Variants in PDE1C observed in about 807,000 individuals in gnomAD.
The protein encoded by PDE1C is phosphodiesterase 1C.
PDE1C carries 62 observed loss-of-function variants against 93.1 expected under a neutral mutation model. The observed-to-expected ratio is 0.67, with a 90% CI of 0.54 to 0.82. The LOEUF is 0.82. PDE1C is among the 40% of genes least tolerant of loss of function. The pLI, the probability that PDE1C is intolerant of heterozygous loss-of-function variation, is 0.00. For missense variants in PDE1C, 742 were observed against 884.6 expected (o/e 0.84, Z 2.04); for synonymous variants, 325 against 310.1 (o/e 1.05, Z -0.50).
At chr7:32,066,024 G>A (rs1010067823) in intron 1 of PDE1C, among the ~76,000 whole-genome samples, 1 of 152,308 alleles carries the variant, frequency 6.6e-6, no homozygotes, top group South Asian at 2.1e-4. Flanking sequence ...TAGCCTCACT[G>A]CCTCCTATCA....
At chr7:32,323,612 G>C (rs1392463969) in intron 1 of PDE1C, among the ~76,000 whole-genome samples, 1 of 152,172 alleles carries the variant, frequency 6.6e-6, no homozygotes, top group African/African-American at 2.4e-5. Flanking sequence ...TGGGCAAATG[G>C]AGATGTCAAC....
intron 2 of PDE1C, among the ~76,000 whole-genome samples, chr7:31,979,517 G>A (rs1812107682): frequency 6.6e-6 from 1 of 152,028 alleles, no homozygotes; most frequent in Non-Finnish European, 1.5e-5. Context: ...TGCCCCTTTT[G>A]AGGAAACAGC....
intron 3 of PDE1C, among the ~76,000 whole-genome samples, chr7:32,109,678 G>A (rs537261560): frequency 4.6e-5 from 7 of 152,294 alleles, no homozygotes; most frequent in Admixed American, 1.3e-4. Context: ...GGAAGGGCAC[G>A]CAGCAGAGAT....
chr7:32,022,575 T>A (rs1279077345), intron 2 of PDE1C, among the ~76,000 whole-genome samples: 1 of 152,082 alleles, frequency 6.6e-6, no homozygotes, highest in Non-Finnish European at 1.5e-5. Flanking sequence ...CTTTAGTATC[T>A]AGGCTTATAA....
intron 3 of PDE1C, among the ~76,000 whole-genome samples, chr7:32,147,273 A>AG (rs1563352487): frequency 9.0e-4 from 16 of 17,852 alleles, no homozygotes; most frequent in African/African-American, 2.3e-3. Flanking sequence ...AGAAAGAAAA[A>AG]AAGAAAGAAA....
the PDE1C span, among the ~76,000 whole-genome samples, chr7:31,633,349 A>G: frequency 6.6e-6 from 1 of 152,168 alleles, no homozygotes; most frequent in African/African-American, 2.4e-5. Flanking sequence ...GAATTTCCTA[A>G]AACGTATGAT....
At chr7:31,658,395 G>A in the PDE1C span, 3 of 1,489,154 alleles carry the variant, frequency 2.0e-6, no homozygotes, top group South Asian at 3.9e-5. Flanking sequence ...TGTTGTAATT[G>A]TTTTTCTTTG....
At chr7:31,650,775 TAAAC>T in the PDE1C span, among the ~76,000 whole-genome samples, 1 of 152,176 alleles carries the variant, frequency 6.6e-6, no homozygotes, top group South Asian at 2.1e-4. Flanking sequence ...GCAACAAAGT[TAAAC>T]AAGATTAAAC....
chr7:31,770,355 G>A (rs545858839), intron 17 of PDE1C, among the ~76,000 whole-genome samples: 9 of 152,058 alleles, frequency 5.9e-5, no homozygotes, highest in South Asian at 2.1e-4. Flanking sequence ...GTCTTTCCAC[G>A]TTCTTGATAG....
intron 3 of PDE1C, among the ~76,000 whole-genome samples, chr7:32,109,165 T>C (rs1470014328): frequency 6.6e-6 from 1 of 152,138 alleles, no homozygotes; most frequent in Non-Finnish European, 1.5e-5. Context: ...CTCATATTTA[T>C]GACAAGGGAC....
intron 7 of PDE1C, among the ~76,000 whole-genome samples, chr7:31,851,636 T>C (rs1171825880): frequency 6.6e-6 from 1 of 152,250 alleles, no homozygotes; most frequent in East Asian, 1.9e-4. Flanking sequence ...TTGCTACTAG[T>C]TAAATTCATG....
Position 31,892,003 on chromosome 7 carries a change from G to A in PDE1C, c.129-11143C>T, listed in dbSNP as rs1798706815. Among the ~76,000 whole-genome samples, 3 of 152,202 alleles carry A rather than the reference G, an allele frequency of 2.0e-5. No homozygotes were observed. In the South Asian group the frequency reaches 6.2e-4, roughly 32 times the overall value. ...CCTCTGTATTATTTCTTACAATAAT[G>A]TGACTCTACAATTATCTCAAAATTA... On this transcript the variant is annotated intron_variant, in intron 2 of 17. Coordinates refer to ENST00000396191, the MANE Select transcript of PDE1C (RefSeq NM_001191057.4).
intron 3 of PDE1C, among the ~76,000 whole-genome samples, chr7:32,139,131 G>A (rs1800369409): frequency 6.6e-6 from 1 of 151,868 alleles, no homozygotes; most frequent in Non-Finnish European, 1.5e-5. Flanking sequence ...TGAAAAGAGG[G>A]AGTAATCAAT....
At chr7:31,734,300 G>A in the PDE1C span, among the ~76,000 whole-genome samples, 1 of 152,044 alleles carries the variant, frequency 6.6e-6, no homozygotes, top group Non-Finnish European at 1.5e-5. Flanking sequence ...CGGCTCTAGG[G>A]CCCCCCTCTT....
At chr7:31,617,893 A>G in the PDE1C span, among the ~76,000 whole-genome samples, 1 of 152,218 alleles carries the variant, frequency 6.6e-6, no homozygotes, top group Non-Finnish European at 1.5e-5. Flanking sequence ...AACGCTACAA[A>G]TCACTGCAGG....
intron 2 of PDE1C, among the ~76,000 whole-genome samples, chr7:31,899,233 G>C (rs1259038571): frequency 6.8e-6 from 1 of 147,344 alleles, no homozygotes; most frequent in Non-Finnish European, 1.5e-5. Context: ...CCGCCTACCT[G>C]GTTCACACCA....
intron 3 of PDE1C, among the ~76,000 whole-genome samples, chr7:32,087,493 A>C (rs1251841584): frequency 2.0e-5 from 3 of 152,124 alleles, no homozygotes; most frequent in African/African-American, 7.2e-5. Flanking sequence ...CAGCCATCCC[A>C]TTACTGGGTA....
At chr7:32,170,763 A>C (rs1802594907) in intron 2 of PDE1C, among the ~76,000 whole-genome samples, 1 of 150,874 alleles carries the variant, frequency 6.6e-6, no homozygotes. Context: ...TTGTCGCCCC[A>C]CTCTCCCCCA....
upstream of PDE1C, among the ~76,000 whole-genome samples, chr7:32,303,109 G>GA: frequency 6.6e-6 from 1 of 152,272 alleles, no homozygotes; most frequent in Admixed American, 6.5e-5. Flanking sequence ...GAGAGGTAAA[G>GA]AAAAAGTCCC....
Sources: allele counts gnomAD v4.1 joint callset (sites outside exome capture counted in the v4.1 genomes callset), GRCh38; gene constraint gnomAD v4.1.1; transcripts MANE v1.5; gene names NCBI Gene and HGNC (gene_info 2026-07-23, HGNC 2026-07-21).